SLC30A4: variants seen among roughly 807,000 people sequenced by gnomAD.
The protein encoded by SLC30A4 is probable proton-coupled zinc antiporter SLC30A4.
A neutral mutation model predicts 41.7 loss-of-function variants in SLC30A4; 20 were observed. That is an observed-to-expected ratio of 0.48 (90% confidence interval 0.34 to 0.70). The LOEUF (loss-of-function observed/expected upper bound fraction) is 0.70. Ranked by LOEUF, SLC30A4 falls within the 30% of genes least tolerant of loss-of-function variation. SLC30A4 has a pLI of 0.01. For missense variants in SLC30A4, 441 were observed against 529.3 expected (o/e 0.83, Z 1.64); for synonymous variants, 181 against 195.9 (o/e 0.92, Z 0.64).
Position 45,522,628 on chromosome 15 carries a change from G to T in SLC30A4, c.-136C>A. 3.2e-6 allele frequency: 1 copy of T among 308,400 alleles called. No homozygotes were observed. The allele number at this position is 308,400 out of a possible 1,614,324, so 19.1% of individuals were successfully genotyped here. A position where few individuals can be genotyped will look rare whatever the true frequency, so the allele number is the denominator to read the frequency against. Reference sequence around the variant, plus strand: ...ATACCTGGGGCGCTGCCGCGGGGCCGCAACTCATCTCCCCGCCCCCGGCCG... The same window carrying T: ...ATACCTGGGGCGCTGCCGCGGGGCCTCAACTCATCTCCCCGCCCCCGGCCG... On this transcript the variant is annotated 5_prime_UTR_variant, in exon 1 of 8. The change creates a premature stop within an existing upstream ORF in the 5' untranslated region. Transcript: ENST00000261867.
chr15:45,521,163 T>A (rs1892654717), intron 2 of SLC30A4: 1 of 363,116 alleles, frequency 2.8e-6, no homozygotes, highest in Non-Finnish European at 5.6e-6. Context: ...TATGTCACTT[T>A]GTAAACTGTC....
intron 5 of SLC30A4, 79 bp downstream of exon 5, chr15:45,488,762 T>C (rs1038311295): frequency 1.0e-5 from 11 of 1,097,064 alleles, no homozygotes; most frequent in Middle Eastern, 2.0e-4. Context: ...GTGTCCAGTA[T>C]ACTGATATGA....
rs938170687 is a variant in SLC30A4, at chr15:45,484,325, A to G, written c.*838T>C. Reference sequence around the variant, plus strand: ...TTTTAAGACAATTTCATGAATGATAAAAGTGATGTCGGGAAGACATAAACC... The same window carrying G: ...TTTTAAGACAATTTCATGAATGATAGAAGTGATGTCGGGAAGACATAAACC... On this transcript the variant is annotated 3_prime_UTR_variant, in exon 8 of 8. Coordinates refer to ENST00000261867, the MANE Select transcript of SLC30A4 (RefSeq NM_013309.6). The G allele has an allele frequency of 6.6e-6, 1 of 152,198 alleles. No individual in the cohort carries two copies. The highest frequency in any genetic ancestry group is 1.5e-5 in the Non-Finnish European group (1 of 68,038). The allele number at this position is 152,198 out of a possible 1,614,324, so 9.4% of individuals were successfully genotyped here. A position where few individuals can be genotyped will look rare whatever the true frequency, so the allele number is the denominator to read the frequency against.
intron 3 of SLC30A4, among the ~76,000 whole-genome samples, chr15:45,504,399 G>A (rs1166806321): frequency 1.3e-5 from 2 of 152,104 alleles, no homozygotes; most frequent in Non-Finnish European, 2.9e-5. Context: ...TATAAGTAGA[G>A]ACGGACAAGA....
At chr15:45,508,600 G>T (rs1342166784) in intron 3 of SLC30A4, among the ~76,000 whole-genome samples, 1 of 152,098 alleles carries the variant, frequency 6.6e-6, no homozygotes, top group Non-Finnish European at 1.5e-5. Flanking sequence ...AAAAATTTCT[G>T]GAAATGTGTT....
chr15:45,506,894 AGTACAT>A (rs1892166599), intron 3 of SLC30A4, among the ~76,000 whole-genome samples: 1 of 152,214 alleles, frequency 6.6e-6, no homozygotes, highest in African/African-American at 2.4e-5. Context: ...AGTGGTTTTC[AGTACAT>A]GTACAAGGTT....
chr15:45,486,545 G>C, intron 7 of SLC30A4, 66 bp downstream of exon 7: 1 of 1,368,162 alleles, frequency 7.3e-7, no homozygotes, highest in Non-Finnish European at 9.9e-7. Context: ...ATTATAAGCA[G>C]GGATGTTTAG....
chr15:45,505,170 G>C (rs768077487), intron 3 of SLC30A4, among the ~76,000 whole-genome samples: 3 of 149,802 alleles, frequency 2.0e-5, no homozygotes, highest in Non-Finnish European at 4.4e-5. Context: ...GGTGGAGGTT[G>C]CAATGAGCCA....
chr15:45,496,810 A>G (rs988997591), intron 3 of SLC30A4, among the ~76,000 whole-genome samples: 1 of 151,580 alleles, frequency 6.6e-6, no homozygotes, highest in East Asian at 1.9e-4. Context: ...AGCCTGGGAA[A>G]CATGGTGAAA....
Position 45,484,976 on chromosome 15 carries a change from T to C in SLC30A4, c.*187A>G, listed in dbSNP as rs1213420255. The C allele has an allele frequency of 1.3e-5, 7 of 549,552 alleles. No individual in the cohort carries two copies. Among genetic ancestry groups the C allele is most frequent in the African/African-American group, 7.8e-5 (4 of 51,510 alleles). 34.0% of individuals were successfully genotyped at this position (549,552 alleles called of 1,614,324 possible). A position where few individuals can be genotyped will look rare whatever the true frequency, so the allele number is the denominator to read the frequency against. On this transcript the variant is annotated 3_prime_UTR_variant, in exon 8 of 8. Coordinates refer to ENST00000261867, the MANE Select transcript of SLC30A4 (RefSeq NM_013309.6). Reference sequence around the variant, plus strand: ...GGGAAACATCTTCATCTGAAAATTATGGCAAAGTCTCCTTTTACCATTAAA... The same window carrying C: ...GGGAAACATCTTCATCTGAAAATTACGGCAAAGTCTCCTTTTACCATTAAA...
rs900601460 is a variant in SLC30A4 at position 45,515,721 on chromosome 15, G to A, written c.392-4437C>T. 3 of 151,144 alleles carry A rather than the reference G, an allele frequency of 2.0e-5. No individual in the cohort carries two copies. The East Asian group carries it at 5.8e-4, about 29-fold the overall frequency. The allele number at this position is 151,144 out of a possible 1,614,324, so 9.4% of individuals were successfully genotyped here. On this transcript the variant is annotated intron_variant, in intron 2 of 7. Coordinates refer to ENST00000261867, the MANE Select transcript of SLC30A4 (RefSeq NM_013309.6). ...TCAACTATGTTTTTATTGTGCAGAA[G>A]CTTTTTTCGTTACCCTGAATTTCTT...
At chr15:45,502,082 T>C (rs1376404134) in intron 3 of SLC30A4, 1 of 151,652 alleles carries the variant, frequency 6.6e-6, no homozygotes, top group Non-Finnish European at 1.5e-5. Flanking sequence ...TTACATATTA[T>C]ATATTAGTGA....
At chr15:45,509,690 A>T (rs967602283) in intron 3 of SLC30A4, among the ~76,000 whole-genome samples, 2 of 152,194 alleles carry the variant, frequency 1.3e-5, no homozygotes, top group African/African-American at 4.8e-5. Flanking sequence ...TGACCTGGAT[A>T]GCTACTTGGA....
At chr15:45,486,962 T>C (rs1271854619) in intron 6 of SLC30A4, among the ~76,000 whole-genome samples, 3 of 151,584 alleles carry the variant, frequency 2.0e-5, no homozygotes, top group Admixed American at 6.6e-5. Flanking sequence ...TTTAAAAACA[T>C]ATTCATTCTC....
intron 7 of SLC30A4, 82 bp downstream of exon 7, chr15:45,486,529 T>C: frequency 8.0e-7 from 1 of 1,255,936 alleles, no homozygotes; most frequent in Non-Finnish European, 1.1e-6. Context: ...AAAGTCTTCC[T>C]ACATAATTAT....
chr15:45,485,802 C>G (rs1480805579), intron 7 of SLC30A4, among the ~76,000 whole-genome samples: 1 of 151,562 alleles, frequency 6.6e-6, no homozygotes, highest in Non-Finnish European at 1.5e-5. Context: ...ACTGTAGCCT[C>G]TGTGTCCTGA....
chr15:45,521,284 C>T (rs1017702450), intron 2 of SLC30A4, among the ~76,000 whole-genome samples: 4 of 152,116 alleles, frequency 2.6e-5, no homozygotes, highest in African/African-American at 9.7e-5. Context: ...ACAAGAAAAC[C>T]AGGCTCATAG....
At position 45,486,871 on chromosome 15, in the gene SLC30A4, A is replaced by C. The variant is rs1891714351; in HGVS notation, c.1001-126T>G. The C allele has an allele frequency of 9.0e-6, 5 of 555,846 alleles. No homozygotes were observed. The Middle Eastern group carries it at 2.0e-3, about 218-fold the overall frequency. 34.4% of individuals were successfully genotyped at this position (555,846 alleles called of 1,614,324 possible). On this transcript the variant is annotated intron_variant, in intron 6 of 7. Coordinates refer to ENST00000261867, the MANE Select transcript of SLC30A4 (RefSeq NM_013309.6). Reference sequence around the variant, plus strand: ...AATTCACTTTAAACAAATACTTTAAAATATTAATACTTCAAGATAAACCAT... The same window carrying C: ...AATTCACTTTAAACAAATACTTTAACATATTAATACTTCAAGATAAACCAT...
chr15:45,495,859 A>G (rs1220849831), intron 3 of SLC30A4, among the ~76,000 whole-genome samples: 1 of 152,238 alleles, frequency 6.6e-6, no homozygotes, highest in Non-Finnish European at 1.5e-5. Flanking sequence ...ATGGCATATT[A>G]AGATACTGCT....
Sources: allele counts gnomAD v4.1 joint callset (sites outside exome capture counted in the v4.1 genomes callset), GRCh38; gene constraint gnomAD v4.1.1; transcripts MANE v1.5; gene names NCBI Gene and HGNC (gene_info 2026-07-23, HGNC 2026-07-21).